NCAM2: variants seen among roughly 807,000 people sequenced by gnomAD.
The protein encoded by NCAM2 is neural cell adhesion molecule 2.
In NCAM2, 30 loss-of-function variants were observed where a neutral mutation model predicts 98.1. The observed-to-expected ratio is 0.31, with a 90% confidence interval of 0.23 to 0.41. The LOEUF is 0.41. Among genes scored for constraint, NCAM2 ranks in the 10% least tolerant of loss-of-function variants. NCAM2 has a pLI of 1.00. For missense variants in NCAM2, 867 were observed against 1,005.8 expected, an observed-to-expected ratio of 0.86 and a Z score of 1.87; for synonymous variants, 368 against 342.4, an observed-to-expected ratio of 1.07 and a Z score of -0.83.
chr21:21,314,580 G>A (rs189707178), intron 5 of NCAM2, among the ~76,000 whole-genome samples: 31 of 152,156 alleles, frequency 2.0e-4, no homozygotes, highest in African/African-American at 5.1e-4. Context: ...TGTCCTGGTC[G>A]TCTTTCTCTT....
intron 11 of NCAM2, among the ~76,000 whole-genome samples, chr21:21,420,793 G>GA (rs569854980): frequency 6.6e-6 from 1 of 151,204 alleles, no homozygotes; most frequent in African/African-American, 2.4e-5. Context: ...AAGGCAGGGA[G>GA]AAAAAAAATC....
chr21:21,172,377 T>C (rs1286566804), intron 1 of NCAM2, among the ~76,000 whole-genome samples: 2 of 152,132 alleles, frequency 1.3e-5, no homozygotes, highest in African/African-American at 4.8e-5. Context: ...TGACCTAACA[T>C]GTTTGAATCA....
At chr21:21,498,862 A>T (rs1189995635) in intron 15 of NCAM2, among the ~76,000 whole-genome samples, 1 of 152,224 alleles carries the variant, frequency 6.6e-6, no homozygotes, top group Non-Finnish European at 1.5e-5. Flanking sequence ...CAAAAACGTA[A>T]TAATGTACTA....
At chr21:21,459,167 G>A (rs1451112969) in intron 12 of NCAM2, among the ~76,000 whole-genome samples, 3 of 150,284 alleles carry the variant, frequency 2.0e-5, no homozygotes, top group Non-Finnish European at 3.0e-5. Context: ...CACCTGTTGG[G>A]ATGGCTTTTT....
rs1412380104 is a variant in NCAM2 at position 21,520,585 on chromosome 21, G to A, written c.2282+11530G>A. ...ACCAAAACAATACTCCCGGTTTTCA[G>A]CCCAGCATGCAAAGAGATTAAAAGT... On this transcript the variant is annotated intron_variant, in intron 16 of 17. Transcript: ENST00000400546. 2.6e-5 allele frequency among the ~76,000 whole-genome samples: 4 copies of A among 152,122 alleles called. No homozygotes were observed. In the East Asian group the frequency reaches 7.7e-4, roughly 29 times the overall value.
chr21:20,998,742 GTTA>G (rs940864681), intron 1 of NCAM2, 124 bp downstream of exon 1: 4 of 939,954 alleles, frequency 4.3e-6, no homozygotes, highest in African/African-American at 3.3e-5. Context: ...TGCTGTTGTT[GTTA>G]TTATTATTTT....
At chr21:21,153,952 T>G (rs2067529315) in intron 1 of NCAM2, among the ~76,000 whole-genome samples, 1 of 151,940 alleles carries the variant, frequency 6.6e-6, no homozygotes, top group Admixed American at 6.6e-5. Context: ...GTATTCTTAA[T>G]TTTTATTTTT....
intron 10 of NCAM2, among the ~76,000 whole-genome samples, chr21:21,414,962 T>C (rs1191721968): frequency 3.3e-5 from 5 of 151,716 alleles, no homozygotes; most frequent in African/African-American, 9.7e-5. Context: ...TTTTTTTTTT[T>C]TCTCAGCACT....
At chr21:21,108,827 T>C (rs2066399599) in intron 1 of NCAM2, among the ~76,000 whole-genome samples, 1 of 152,108 alleles carries the variant, frequency 6.6e-6, no homozygotes, top group Non-Finnish European at 1.5e-5. Context: ...GAATTTGTAA[T>C]CAACTGATAA....
intron 1 of NCAM2, among the ~76,000 whole-genome samples, chr21:21,071,067 T>G (rs968596103): frequency 1.3e-5 from 2 of 152,184 alleles, no homozygotes; most frequent in Non-Finnish European, 2.9e-5. Flanking sequence ...TTGAGCCAGC[T>G]GATTACAAAC....
At chr21:21,128,561 G>A (rs1006855455) in intron 1 of NCAM2, among the ~76,000 whole-genome samples, 1 of 152,088 alleles carries the variant, frequency 6.6e-6, no homozygotes, top group Non-Finnish European at 1.5e-5. Flanking sequence ...GTGCCCAAAA[G>A]TTGGAATTTA....
intron 15 of NCAM2, among the ~76,000 whole-genome samples, chr21:21,505,695 AGTTTAAT>A (rs1227990767): frequency 6.6e-6 from 1 of 152,070 alleles, no homozygotes; most frequent in East Asian, 1.9e-4. Flanking sequence ...CTTACAGAAT[AGTTTAAT>A]GTTTAACATT....
intron 16 of NCAM2, 61 bp downstream of exon 16, chr21:21,509,116 C>T: frequency 6.4e-7 from 1 of 1,561,616 alleles, no homozygotes. Flanking sequence ...AGCTCGAGTG[C>T]TTTACCTGAG....
intron 12 of NCAM2, among the ~76,000 whole-genome samples, chr21:21,459,084 G>A (rs1982579789): frequency 6.6e-6 from 1 of 152,010 alleles, no homozygotes; most frequent in Non-Finnish European, 1.5e-5. Context: ...ATGGCCAATA[G>A]GTATATGAAA....
intron 1 of NCAM2, among the ~76,000 whole-genome samples, chr21:21,092,042 A>G (rs917776149): frequency 6.6e-6 from 1 of 152,124 alleles, no homozygotes; most frequent in African/African-American, 2.4e-5. Context: ...TGAATGAATC[A>G]ATGAGTGAAT....
intron 15 of NCAM2, among the ~76,000 whole-genome samples, chr21:21,481,733 A>T (rs1220601124): frequency 1.3e-5 from 2 of 152,162 alleles, no homozygotes; most frequent in African/African-American, 2.4e-5. Context: ...CACCCCTCTA[A>T]ACCATGTAGC....
At chr21:21,466,557 A>G in intron 12 of NCAM2, 49 bp from the exon 13 acceptor site, 2 of 1,323,600 alleles carry the variant, frequency 1.5e-6, no homozygotes, top group Non-Finnish European at 2.0e-6. Flanking sequence ...CCAATTAGAT[A>G]TATATGTATA....
intron 15 of NCAM2, among the ~76,000 whole-genome samples, chr21:21,492,460 T>G (rs889583154): frequency 6.6e-6 from 1 of 151,904 alleles, no homozygotes; most frequent in Non-Finnish European, 1.5e-5. Context: ...AACTTTTACA[T>G]ATAGCTGCTT....
rs527603663 is a variant in NCAM2 at position 21,015,239 on chromosome 21, A to G, written c.55+16621A>G. ...TGAGAAGACTGACTTCAATTTTGAA[A>G]AGCATTCTATTGTAGGTCAAACACG... On this transcript the variant is annotated intron_variant, in intron 1 of 17. Transcript: ENST00000400546. Among the ~76,000 whole-genome samples the G allele has an allele frequency of 4.6e-5, 7 of 152,344 alleles. No homozygotes were observed. In the East Asian group the frequency reaches 1.3e-3, roughly 29 times the overall value.
Sources: gnomAD v4.1 joint callset for allele counts (sites outside exome capture counted in the v4.1 genomes callset) on GRCh38, gnomAD v4.1.1 for gene constraint, MANE v1.5 for transcripts, NCBI Gene and HGNC (gene_info 2026-07-23, HGNC 2026-07-21) for gene names.